TENM4: variants seen among roughly 807,000 people sequenced by gnomAD.
The protein encoded by TENM4 is teneurin-4.
In TENM4, 82 loss-of-function variants were observed where a neutral mutation model predicts 243.3. The observed-to-expected ratio is 0.34, with a 90% CI of 0.28 to 0.40. The LOEUF (loss-of-function observed/expected upper bound fraction) is 0.40, where lower values mean the gene tolerates loss of function less well. Among genes scored for constraint, TENM4 ranks in the 10% least tolerant of loss-of-function variants. The pLI, the probability that TENM4 is intolerant of heterozygous loss-of-function variation, is 1.00. For synonymous variants in TENM4, 1,412 were observed against 1,456.3 expected, an observed-to-expected ratio of 0.97 and a Z score of 0.69; for missense variants, 3,138 against 3,673.3, an observed-to-expected ratio of 0.85 and a Z score of 3.77.
intron 4 of TENM4, among the ~76,000 whole-genome samples, chr11:79,136,839 A>G (rs1366656088): frequency 1.3e-5 from 2 of 152,144 alleles, no homozygotes; most frequent in Non-Finnish European, 2.9e-5. Flanking sequence ...TGGTCTTACC[A>G]TGCTCCCTAT....
At chr11:78,962,695 C>T (rs1341391679) in intron 6 of TENM4, among the ~76,000 whole-genome samples, 1 of 152,208 alleles carries the variant, frequency 6.6e-6, no homozygotes, top group African/African-American at 2.4e-5. Flanking sequence ...AAACAGCTGC[C>T]CCTCTCTGGC....
At chr11:78,662,069 C>T (rs2135636520) in intron 32 of TENM4, among the ~76,000 whole-genome samples, 1 of 152,316 alleles carries the variant, frequency 6.6e-6, no homozygotes, top group Admixed American at 6.5e-5. Flanking sequence ...ATTAGAGCTT[C>T]AGGGTCAAAG....
intron 1 of TENM4, among the ~76,000 whole-genome samples, chr11:79,401,464 A>G (rs1265420985): frequency 6.6e-6 from 1 of 152,242 alleles, no homozygotes; most frequent in Admixed American, 6.5e-5. Flanking sequence ...ACTCAAATGG[A>G]GACCTGTCAA....
At chr11:79,256,067 A>G (rs1288392684) in intron 2 of TENM4, among the ~76,000 whole-genome samples, 2 of 152,206 alleles carry the variant, frequency 1.3e-5, no homozygotes. Context: ...CAGAGGACAG[A>G]AAAGAGAGAG....
chr11:79,404,797 A>T (rs1406159662), intron 1 of TENM4, among the ~76,000 whole-genome samples: 1 of 152,188 alleles, frequency 6.6e-6, no homozygotes, highest in Non-Finnish European at 1.5e-5. Flanking sequence ...AATACTGTAT[A>T]TCTATTCAAA....
intron 17 of TENM4, among the ~76,000 whole-genome samples, chr11:78,775,196 C>T (rs1272944114): frequency 6.6e-6 from 1 of 152,236 alleles, no homozygotes; most frequent in Non-Finnish European, 1.5e-5. Context: ...GAACTCTTTA[C>T]CCCACCCAGT....
chr11:79,192,425 A>G (rs34714253), intron 3 of TENM4, among the ~76,000 whole-genome samples: 318 of 152,344 alleles, frequency 2.1e-3, no homozygotes, highest in Non-Finnish European at 3.5e-3. Flanking sequence ...TGTACTAAGA[A>G]AAATTCTTCT....
chr11:78,819,932 T>C (rs1248534132), intron 12 of TENM4, among the ~76,000 whole-genome samples: 1 of 152,134 alleles, frequency 6.6e-6, no homozygotes, highest in Non-Finnish European at 1.5e-5. Flanking sequence ...CAGAGGAGGA[T>C]GGATGATAAT....
At chr11:78,897,687 T>C (rs943352854) in intron 7 of TENM4, among the ~76,000 whole-genome samples, 1 of 152,252 alleles carries the variant, frequency 6.6e-6, no homozygotes, top group Admixed American at 6.5e-5. Context: ...CAGTTGGCTG[T>C]GTCTTCTGCA....
rs1475432051 is a variant in TENM4, at chr11:78,670,042, G to C, written c.6303C>G (p.Thr2101=). ...AGCGATAGAGATCAATGGGCAGTGG[G>C]GTCTCGTTGATCACAGCCTGCATGC... ...VTSMQAVINE[T]PLPIDLYRYD... The change falls in exon 32 of 34, where the codon ACC becomes ACG. Residue 2101 remains threonine, a synonymous_variant. Transcript: ENST00000278550. The C allele has an allele frequency of 6.2e-7, 1 of 1,613,914 alleles. No homozygotes were observed. The highest frequency in any genetic ancestry group is 1.7e-5 in the Admixed American group (1 of 60,020).
At chr11:79,091,149 A>G (rs1043982060) in intron 4 of TENM4, among the ~76,000 whole-genome samples, 23 of 152,312 alleles carry the variant, frequency 1.5e-4, no homozygotes, top group Non-Finnish European at 5.9e-5. Context: ...TTGGGCTTCC[A>G]TTTCGAGTTT....
chr11:78,674,909 A>C (rs532525719), intron 30 of TENM4, among the ~76,000 whole-genome samples: 1 of 151,352 alleles, frequency 6.6e-6, no homozygotes, highest in East Asian at 1.9e-4. Context: ...TCTGTCGCCC[A>C]GGCTGGAGTG....
chr11:79,148,704 A>C lies in TENM4; in HGVS notation c.-66+6T>G. On this transcript the variant is annotated splice_donor_region_variant and intron_variant, in intron 4 of 33. Transcript: ENST00000278550. ...ACTCTCTGAAGTGTAAAAAAAATCAACTCACTTTTCTTTAAATCTTCTTAA... is the reference window on the plus strand; with the variant it reads ...ACTCTCTGAAGTGTAAAAAAAATCACCTCACTTTTCTTTAAATCTTCTTAA... 1.1e-6 allele frequency: 1 copy of C among 936,794 alleles called. No homozygotes were observed. The highest frequency in any genetic ancestry group is 1.3e-6 in the Non-Finnish European group (1 of 785,618). The allele number at this position is 936,794 out of a possible 1,614,324, so 58.0% of individuals were successfully genotyped here.
rs923424289 is a variant in TENM4 at position 78,856,033 on chromosome 11, A to G, written c.1401T>C (p.Asn467=). ...FIDHPVHLKF[N]VSLGKAALVG... ...CCAGGGCTGCCTTTCCCAGAGACAC[A>G]TTGAATTTCAGATGCACAGGATGGT... The change falls in exon 11 of 34, where the codon AAT becomes AAC. Residue 467 remains asparagine, a synonymous_variant. Transcript: ENST00000278550. 3.2e-5 allele frequency: 50 copies of G among 1,551,638 alleles called. 1 individual carries two copies. The East Asian group carries it at 5.1e-4, about 16-fold the overall frequency.
intron 6 of TENM4, among the ~76,000 whole-genome samples, chr11:79,002,856 A>G (rs902059797): frequency 1.3e-5 from 2 of 152,236 alleles, no homozygotes; most frequent in Non-Finnish European, 2.9e-5. Context: ...AGCAAAGATC[A>G]TCAGGATTCA....
At chr11:78,957,926 G>C (rs1857241827) in intron 6 of TENM4, among the ~76,000 whole-genome samples, 1 of 151,930 alleles carries the variant, frequency 6.6e-6, no homozygotes, top group Non-Finnish European at 1.5e-5. Context: ...TCCTACTAAG[G>C]AGAAGACAAA....
chr11:79,292,419 A>T (rs1340503686), intron 2 of TENM4, among the ~76,000 whole-genome samples: 1 of 152,220 alleles, frequency 6.6e-6, no homozygotes. Context: ...TGTGTCTTAC[A>T]AATTGGGTTT....
intron 3 of TENM4, among the ~76,000 whole-genome samples, chr11:79,185,854 A>C (rs1329193156): frequency 6.6e-6 from 1 of 152,208 alleles, no homozygotes; most frequent in Non-Finnish European, 1.5e-5. Context: ...AATCTCCAGA[A>C]ACATCTGCCA....
chr11:78,948,893 T>C (rs1430322132), intron 6 of TENM4, among the ~76,000 whole-genome samples: 19 of 152,210 alleles, frequency 1.2e-4, no homozygotes, highest in Admixed American at 1.2e-3. Context: ...TTTCTCATAA[T>C]TGGATTCAGG....
Sources: allele counts gnomAD v4.1 joint callset (sites outside exome capture counted in the v4.1 genomes callset), GRCh38; gene constraint gnomAD v4.1.1; transcripts MANE v1.5; gene names NCBI Gene and HGNC (gene_info 2026-07-23, HGNC 2026-07-21).